Variants in DAB1 observed in about 807,000 individuals in gnomAD.
DAB1 encodes disabled homolog 1.
DAB1 carries 15 observed loss-of-function variants against 64.6 expected under a neutral mutation model. The ratio of observed to expected loss-of-function variants is 0.23; its 90% CI spans 0.16 to 0.36. DAB1 has a LOEUF of 0.36. Ranked by LOEUF, DAB1 falls within the 10% of genes least tolerant of loss-of-function variation. The pLI is 1.00. For synonymous variants in DAB1, 235 were observed against 251.9 expected (o/e 0.93, Z 0.64); for missense variants, 596 against 706.7 (o/e 0.84, Z 1.78).
At chr1:57,471,989 G>A (rs2101209390) in intron 7 of DAB1, among the ~76,000 whole-genome samples, 1 of 152,252 alleles carries the variant, frequency 6.6e-6, no homozygotes, top group South Asian at 2.1e-4. Flanking sequence ...AGAAAATCTA[G>A]GATTACAGGA....
At chr1:58,436,187 G>A (rs59669641) in intron 3 of DAB1, among the ~76,000 whole-genome samples, 4,562 of 152,288 alleles carry the variant, frequency 0.03, 239 homozygotes, top group African/African-American at 0.1. Flanking sequence ...AAGGAGGCTA[G>A]TAATATCTGC....
intron 7 of DAB1, among the ~76,000 whole-genome samples, chr1:57,484,709 A>C (rs570613058): frequency 6.6e-6 from 1 of 152,150 alleles, no homozygotes; most frequent in Non-Finnish European, 1.5e-5. Flanking sequence ...GATGGCATTT[A>C]AATTCATGAA....
intron 2 of DAB1, among the ~76,000 whole-genome samples, chr1:57,231,707 T>A (rs1184056640): frequency 6.6e-6 from 1 of 152,206 alleles, no homozygotes. Context: ...AAGTAGTAAG[T>A]GATGGTATCA....
chr1:57,240,872 T>C (rs1668445767), intron 2 of DAB1, among the ~76,000 whole-genome samples: 1 of 152,214 alleles, frequency 6.6e-6, no homozygotes, highest in African/African-American at 2.4e-5. Context: ...TAACCTTCCC[T>C]CTGGGATTTA....
chr1:57,638,397 A>T (rs771535661), intron 7 of DAB1, among the ~76,000 whole-genome samples: 12 of 152,196 alleles, frequency 7.9e-5, no homozygotes, highest in African/African-American at 1.4e-4. Context: ...GGAGTGTCAG[A>T]TGATAAGGCT....
intron 6 of DAB1, among the ~76,000 whole-genome samples, chr1:57,770,720 T>C (rs967721710): frequency 6.6e-6 from 1 of 152,174 alleles, no homozygotes; most frequent in Non-Finnish European, 1.5e-5. Context: ...GAAAAGAATG[T>C]AATTAATTCG....
intron 5 of DAB1, among the ~76,000 whole-genome samples, chr1:58,099,140 T>C (rs1219464229): frequency 6.6e-6 from 1 of 152,214 alleles, no homozygotes; most frequent in African/African-American, 2.4e-5. Flanking sequence ...TTTCCATCCA[T>C]GAGCCATGTT....
At chr1:57,421,569 G>T (rs2101089205) in intron 1 of DAB1, among the ~76,000 whole-genome samples, 1 of 152,198 alleles carries the variant, frequency 6.6e-6, no homozygotes, top group Non-Finnish European at 1.5e-5. Context: ...CATCCCTGCG[G>T]ATCCTCCCAG....
chr1:57,172,070 G>C (rs1661823633), intron 2 of DAB1, among the ~76,000 whole-genome samples: 1 of 152,096 alleles, frequency 6.6e-6, no homozygotes, highest in African/African-American at 2.4e-5. Flanking sequence ...CTTCTGGCTT[G>C]TAGACACATT....
At chr1:58,052,303 T>A (rs1264136368) in intron 5 of DAB1, among the ~76,000 whole-genome samples, 1 of 152,228 alleles carries the variant, frequency 6.6e-6, no homozygotes, top group African/African-American at 2.4e-5. Context: ...AAATAGGGAA[T>A]CCTTTCCCCA....
chr1:58,009,319 T>C (rs893868077), intron 5 of DAB1, among the ~76,000 whole-genome samples: 3 of 152,180 alleles, frequency 2.0e-5, no homozygotes, highest in African/African-American at 7.2e-5. Context: ...GGTTAATCTC[T>C]ACACTGTGGA....
chr1:57,908,127 C>T (rs1280596504), intron 5 of DAB1, among the ~76,000 whole-genome samples: 2 of 151,982 alleles, frequency 1.3e-5, no homozygotes, highest in African/African-American at 4.8e-5. Context: ...CATGACTAAA[C>T]TATTTTCTCC....
chr1:58,132,929 A>T (rs1452104263), intron 5 of DAB1, among the ~76,000 whole-genome samples: 2 of 152,162 alleles, frequency 1.3e-5, no homozygotes, highest in Admixed American at 1.3e-4. Context: ...AATAGTGTTA[A>T]CTCAATTGTG....
intron 4 of DAB1, among the ~76,000 whole-genome samples, chr1:58,318,454 G>A (rs1385020999): frequency 1.3e-5 from 2 of 152,240 alleles, no homozygotes; most frequent in African/African-American, 4.8e-5. Flanking sequence ...CTCTAAGAAG[G>A]TCATCCTCAA....
chr1:57,166,911 A>G (rs1275700808), intron 2 of DAB1, among the ~76,000 whole-genome samples: 1 of 151,772 alleles, frequency 6.6e-6, no homozygotes, highest in Non-Finnish European at 1.5e-5. Flanking sequence ...TGCCTGTCTG[A>G]CTCCAAAGTT....
rs772162205 is a variant in DAB1 at position 57,197,343 on chromosome 1, C to CA, written c.68-51915dup. Among the ~76,000 whole-genome samples the CA allele has an allele frequency of 7.2e-3, 652 of 90,058 alleles. 5 individuals are homozygous for CA. The highest frequency in any genetic ancestry group is 0.029 in the Middle Eastern group (5 of 172). The allele number at this position is 90,058 out of a possible 152,430, so 59.1% of individuals were successfully genotyped here. A position where few individuals can be genotyped will look rare whatever the true frequency, so the allele number is the denominator to read the frequency against. On this transcript the variant is annotated intron_variant, in intron 2 of 14. Transcript: ENST00000371236. Reference sequence around the variant, plus strand: ...TAGGTGACAGAGAGAGACTTCATCTCAAAAAAAAAAAAAAAGAAAGAAAGT... The same window carrying CA: ...TAGGTGACAGAGAGAGACTTCATCTCAAAAAAAAAAAAAAAAGAAAGAAAGT...
intron 14 of DAB1, among the ~76,000 whole-genome samples, chr1:57,000,675 G>A (rs1290902414): frequency 6.6e-6 from 1 of 152,094 alleles, no homozygotes; most frequent in Non-Finnish European, 1.5e-5. Flanking sequence ...CAACTACTGG[G>A]GAAAAATATT....
At chr1:57,335,193 C>A (rs1431476557) in intron 1 of DAB1, among the ~76,000 whole-genome samples, 2 of 149,998 alleles carry the variant, frequency 1.3e-5, no homozygotes, top group Non-Finnish European at 3.0e-5. Flanking sequence ...TATGTGAGAT[C>A]TGGACATTTT....
intron 4 of DAB1, among the ~76,000 whole-genome samples, chr1:58,196,432 C>T (rs1295480706): frequency 1.3e-5 from 2 of 152,198 alleles, no homozygotes; most frequent in African/African-American, 2.4e-5. Flanking sequence ...GACAAATACA[C>T]TTCATATACT....
Sources: gnomAD v4.1 joint callset for allele counts (sites outside exome capture counted in the v4.1 genomes callset) on GRCh38, gnomAD v4.1.1 for gene constraint, MANE v1.5 for transcripts, NCBI Gene and HGNC (gene_info 2026-07-23, HGNC 2026-07-21) for gene names.